UBE2D3: variants seen among roughly 807,000 people sequenced by gnomAD.
The protein encoded by UBE2D3 is ubiquitin conjugating enzyme E2 D3, also known as ubiquitin-conjugating enzyme E2 D3.
UBE2D3 carries 2 observed loss-of-function variants against 22.8 expected under a neutral mutation model. The ratio of observed to expected loss-of-function variants is 0.09; its 90% CI spans 0.04 to 0.28. The LOEUF (loss-of-function observed/expected upper bound fraction) is 0.28. UBE2D3 is among the 10% of genes least tolerant of loss of function. UBE2D3 has a pLI of 1.00. For synonymous variants in UBE2D3, 56 were observed against 60.4 expected, an observed-to-expected ratio of 0.93 and a Z score of 0.34; for missense variants, 27 against 182.5, an observed-to-expected ratio of 0.15 and a Z score of 4.91.
chr4:102,833,404 G>A (rs76146618), intron 1 of UBE2D3, among the ~76,000 whole-genome samples: 28 of 152,206 alleles, frequency 1.8e-4, no homozygotes, highest in African/African-American at 6.7e-4. Flanking sequence ...ATTATGTGTT[G>A]CCAACAAGAT....
intron 2 of UBE2D3, chr4:102,810,082 A>T: frequency 2.1e-6 from 1 of 468,136 alleles, no homozygotes; most frequent in East Asian, 3.6e-5. Context: ...TTGATACAAA[A>T]TTTTTTATTT....
At chr4:102,829,708 C>T (rs1293208243), upstream of UBE2D3, among the ~76,000 whole-genome samples, 2 of 152,012 alleles carry the variant, frequency 1.3e-5, no homozygotes, top group Admixed American at 1.3e-4. Flanking sequence ...GAGGCTGAGA[C>T]GGGTGGATCA....
chr4:102,828,105 G>A (rs1011210508), upstream of UBE2D3: 3 of 985,462 alleles, frequency 3.0e-6, no homozygotes, highest in Admixed American at 6.1e-5. Context: ...GGCTCGAACT[G>A]GGGCGGGCCA....
chr4:102,860,052 T>TCTAC (rs1412134842), intron 1 of UBE2D3, among the ~76,000 whole-genome samples: 1 of 152,098 alleles, frequency 6.6e-6, no homozygotes. Flanking sequence ...TTTCACCATG[T>TCTAC]TAGCCAGGAT....
chr4:102,795,302 T>C lies in UBE2D3; in HGVS notation c.*2113A>G, dbSNP rs184852298. 1.4e-4 allele frequency: 21 copies of C among 152,210 alleles called. No homozygotes were observed. Among genetic ancestry groups the C allele is most frequent in the African/African-American group, 5.1e-4 (21 of 41,574 alleles). The allele number at this position is 152,210 out of a possible 1,614,324, so 9.4% of individuals were successfully genotyped here. A position where few individuals can be genotyped will look rare whatever the true frequency, so the allele number is the denominator to read the frequency against. The stretch of plus-strand genomic sequence containing the variant: ...CCAGTTAGGGATCCACCGTGTTTCA[T>C]AAAAGTGTCTTACACTCATGTTTGG... On this transcript the variant is annotated 3_prime_UTR_variant, in exon 8 of 8. Coordinates refer to ENST00000453744, the MANE Select transcript of UBE2D3 (RefSeq NM_181891.3).
At chr4:102,826,443 C>T in intron 2 of UBE2D3, 42 bp downstream of exon 2, 1 of 1,613,042 alleles carries the variant, frequency 6.2e-7, no homozygotes, top group Non-Finnish European at 8.5e-7. Context: ...CCCGAGCCTT[C>T]CTTTTCTCCT....
chr4:102,815,090 G>A (rs1159947881), intron 2 of UBE2D3, among the ~76,000 whole-genome samples: 1 of 151,824 alleles, frequency 6.6e-6, no homozygotes, highest in Non-Finnish European at 1.5e-5. Context: ...GTCGCCCATG[G>A]TGGAGTACAA....
At chr4:102,822,368 C>T (rs1400764113) in intron 2 of UBE2D3, among the ~76,000 whole-genome samples, 1 of 152,170 alleles carries the variant, frequency 6.6e-6, no homozygotes, top group East Asian at 1.9e-4. Flanking sequence ...GTTTACCCAG[C>T]CTATATACTA....
At chr4:102,804,572 T>C (rs1056097311) in intron 4 of UBE2D3, among the ~76,000 whole-genome samples, 2 of 152,218 alleles carry the variant, frequency 1.3e-5, no homozygotes, top group Non-Finnish European at 2.9e-5. Context: ...TAATTTTGAA[T>C]AGATGCTTCA....
Position 102,826,762 on chromosome 4 carries a change from C to T in UBE2D3, c.-128-126G>A. The stretch of plus-strand genomic sequence containing the variant: ...GGCGTGGCAAAGCCACCAACAGCCT[C>T]TGTACCGTGCTTTCGGCCCGAAGTG... On this transcript the variant is annotated intron_variant, in intron 1 of 7. Transcript: ENST00000453744. 4.6e-6 allele frequency: 6 copies of T among 1,310,068 alleles called. No individual in the cohort carries two copies. The South Asian group carries it at 1.0e-4, about 22-fold the overall frequency. The allele number at this position is 1,310,068 out of a possible 1,614,324, so 81.2% of individuals were successfully genotyped here.
chr4:102,841,222 A>G (rs1445204549), intron 1 of UBE2D3, among the ~76,000 whole-genome samples: 1 of 152,156 alleles, frequency 6.6e-6, no homozygotes, highest in Admixed American at 6.6e-5. Context: ...TTTCTCTAAG[A>G]ACATAAAGTT....
rs77389453 is a variant in UBE2D3, at chr4:102,825,668, T to C, written c.24+817A>G. On this transcript the variant is annotated intron_variant, in intron 2 of 7. Coordinates refer to ENST00000453744, the MANE Select transcript of UBE2D3 (RefSeq NM_181891.3). ...ATCGATAATATACTATCAAACCACA[T>C]TTCAAGTAACGAAACAAGGGTGTTA... 4.8e-3 allele frequency: 4,362 copies of C among 913,634 alleles called. 44 individuals are homozygous for C. Among genetic ancestry groups the C allele is most frequent in the African/African-American group, 0.036 (2,071 of 58,228 alleles). The allele number at this position is 913,634 out of a possible 1,614,324, so 56.6% of individuals were successfully genotyped here. A position where few individuals can be genotyped will look rare whatever the true frequency, so the allele number is the denominator to read the frequency against.
chr4:102,861,261 G>A (rs1360707682), intron 1 of UBE2D3, among the ~76,000 whole-genome samples: 5 of 151,858 alleles, frequency 3.3e-5, no homozygotes, highest in African/African-American at 1.2e-4. Flanking sequence ...CTATTCTTGA[G>A]TTTTTCATTC....
rs1252639116 is a variant in UBE2D3, at chr4:102,795,556, A to T, written c.*1859T>A. On this transcript the variant is annotated 3_prime_UTR_variant, in exon 8 of 8. Coordinates refer to ENST00000453744, the MANE Select transcript of UBE2D3 (RefSeq NM_181891.3). ...ATGAAAAAATTCACTCATTGGAAAA[A>T]CTGCGTAGCTGGTTTTTTCCCCAAT... 6.6e-6 allele frequency: 1 copy of T among 152,072 alleles called. No individual in the cohort carries two copies. Among genetic ancestry groups the T allele is most frequent in the Non-Finnish European group, 1.5e-5 (1 of 67,942 alleles). The allele number at this position is 152,072 out of a possible 1,614,324, so 9.4% of individuals were successfully genotyped here.
chr4:102,794,864 C>A lies in UBE2D3; in HGVS notation c.*2551G>T, dbSNP rs1725112853. ...TGTAAATTTACCATTAACAGGCCAA[C>A]TGGACCCTAATTCGGTTTATGCATT... On this transcript the variant is annotated 3_prime_UTR_variant, in exon 8 of 8. Coordinates refer to ENST00000453744, the MANE Select transcript of UBE2D3 (RefSeq NM_181891.3). 6.6e-6 allele frequency: 1 copy of A among 152,042 alleles called. No homozygotes were observed. The highest frequency in any genetic ancestry group is 2.4e-5 in the African/African-American group (1 of 41,416). 9.4% of individuals were successfully genotyped at this position (152,042 alleles called of 1,614,324 possible).
rs2110388342 is a variant in UBE2D3, at chr4:102,868,643, G to T, written c.-129+72C>A. 9 of 1,609,212 alleles carry T rather than the reference G, an allele frequency of 5.6e-6. No individual in the cohort carries two copies. The East Asian group carries it at 2.0e-4, about 36-fold the overall frequency. On this transcript the variant is annotated intron_variant, in intron 1 of 7. Transcript: ENST00000338145. ...CTCATGGGCGAGTATGCAACCCTAG[G>T]GCCACAGCACCCAAACTGTAGGGGA...
At chr4:102,818,939 G>C (rs900055323) in intron 2 of UBE2D3, among the ~76,000 whole-genome samples, 6 of 152,094 alleles carry the variant, frequency 3.9e-5, no homozygotes, top group Non-Finnish European at 7.4e-5. Context: ...ATGATAAGTG[G>C]TACTAGCAGT....
At chr4:102,806,700 C>T (rs1169083900) in intron 4 of UBE2D3, among the ~76,000 whole-genome samples, 1 of 152,114 alleles carries the variant, frequency 6.6e-6, no homozygotes, top group African/African-American at 2.4e-5. Context: ...GTGTTGTTCT[C>T]TAAATCCACT....
chr4:102,816,843 T>C (rs553765732), intron 2 of UBE2D3, among the ~76,000 whole-genome samples: 598 of 152,326 alleles, frequency 3.9e-3, no homozygotes, highest in Non-Finnish European at 6.3e-3. Context: ...GTGCCATGCA[T>C]GTTAGGTATA....
Sources: allele counts gnomAD v4.1 joint callset (sites outside exome capture counted in the v4.1 genomes callset), GRCh38; gene constraint gnomAD v4.1.1; transcripts MANE v1.5; gene names NCBI Gene and HGNC (gene_info 2026-07-23, HGNC 2026-07-21).